Variants in TCERG1L observed in about 807,000 individuals in gnomAD.
TCERG1L encodes the protein transcription elongation regulator 1 like.
TCERG1L carries 37 observed loss-of-function variants against 56.3 expected under a neutral mutation model. That is an observed-to-expected ratio of 0.66 (90% CI 0.51 to 0.87). TCERG1L has a LOEUF of 0.87. Ranked by LOEUF, TCERG1L falls within the 40% of genes least tolerant of loss-of-function variation. The probability of loss-of-function intolerance (pLI) is 0.00; values close to 1 mark genes in which losing one functional copy is unlikely to be tolerated. For missense variants in TCERG1L, 799 were observed against 774.2 expected (o/e 1.03, Z -0.38); for synonymous variants, 324 against 326.3 (o/e 0.99, Z 0.08).
chr10:131,251,309 C>G (rs867068096), intron 4 of TCERG1L, among the ~76,000 whole-genome samples: 6 of 151,928 alleles, frequency 3.9e-5, no homozygotes, highest in East Asian at 2.0e-4. Flanking sequence ...CCCCCTCCCC[C>G]CGGCCCCTCC....
chr10:131,225,942 T>G (rs1589754367), intron 4 of TCERG1L, among the ~76,000 whole-genome samples: 1 of 152,302 alleles, frequency 6.6e-6, no homozygotes, highest in Middle Eastern at 3.4e-3. Context: ...CCTTCAAGTA[T>G]TTACGTATTT....
chr10:131,245,788 G>A (rs564479004), intron 4 of TCERG1L, among the ~76,000 whole-genome samples: 8 of 152,326 alleles, frequency 5.3e-5, no homozygotes, highest in African/African-American at 1.7e-4. Flanking sequence ...GGTGGGAAGT[G>A]CGCACGGGGC....
chr10:131,296,456 G>A (rs1436477413), intron 3 of TCERG1L, among the ~76,000 whole-genome samples: 1 of 152,096 alleles, frequency 6.6e-6, no homozygotes, highest in Non-Finnish European at 1.5e-5. Context: ...CTTTTGGATG[G>A]TCTACTACGA....
intron 4 of TCERG1L, among the ~76,000 whole-genome samples, chr10:131,256,623 C>A (rs557733854): frequency 6.6e-6 from 1 of 152,224 alleles, no homozygotes; most frequent in East Asian, 1.9e-4. Context: ...CAGTGACTCA[C>A]GCCTCTAATC....
chr10:131,146,751 G>C, intron 6 of TCERG1L, 91 bp from the exon 7 acceptor site: 3 of 1,391,818 alleles, frequency 2.2e-6, no homozygotes, highest in Non-Finnish European at 9.6e-7. Context: ...AAGCCCCTCA[G>C]GACCGAAATC....
intron 4 of TCERG1L, among the ~76,000 whole-genome samples, chr10:131,240,598 G>A (rs1002924524): frequency 1.1e-4 from 17 of 152,220 alleles, no homozygotes; most frequent in African/African-American, 3.9e-4. Context: ...AGGTGCTGGA[G>A]ACGGGACAGC....
intron 3 of TCERG1L, among the ~76,000 whole-genome samples, chr10:131,268,784 C>T (rs1254585723): frequency 2.6e-5 from 4 of 152,246 alleles, no homozygotes; most frequent in Admixed American, 2.0e-4. Flanking sequence ...TCTTCTGCTG[C>T]TTCCTCACCT....
intron 11 of TCERG1L, chr10:131,095,232 A>AACCCCACCGGG (rs1564790512): frequency 1.4e-5 from 2 of 145,612 alleles, no homozygotes; most frequent in African/African-American, 5.5e-5. Context: ...ACCCCACCGG[A>AACCCCACCGGG]CGGCCAACCC....
chr10:131,221,125 G>A (rs915349247), intron 4 of TCERG1L, among the ~76,000 whole-genome samples: 1 of 152,218 alleles, frequency 6.6e-6, no homozygotes, highest in African/African-American at 2.4e-5. Flanking sequence ...CTGCCCCCAA[G>A]GATCTGCCTC....
At chr10:131,096,580 T>A (rs1222306727) in intron 11 of TCERG1L, among the ~76,000 whole-genome samples, 8 of 152,172 alleles carry the variant, frequency 5.3e-5, no homozygotes, top group African/African-American at 1.4e-4. Context: ...TATGCCTTCA[T>A]AGAAAGCATC....
At position 131,093,177 on chromosome 10, in the gene TCERG1L, C is replaced by A. The variant is rs150854664; in HGVS notation, c.1746G>T (p.Leu582=). Residue 582 remains leucine, a synonymous_variant, in exon 12 of 12, where the codon CTG becomes CTT. Transcript: ENST00000368642. ...KKRDKENRLR[L]RKMR ...TTTCACAAACTCATCTCATTTTCCG[C>A]AGCCTTAGTCTGTTTTCCTTGTCCC... 48 of 1,612,656 alleles carry A rather than the reference C, an allele frequency of 3.0e-5. 1 individual carries two copies. Among genetic ancestry groups the A allele is most frequent in the South Asian group, 1.1e-4 (10 of 90,786 alleles).
chr10:131,191,569 G>T (rs1845301940), intron 4 of TCERG1L, among the ~76,000 whole-genome samples: 1 of 143,156 alleles, frequency 7.0e-6, no homozygotes, highest in Admixed American at 7.0e-5. Flanking sequence ...AGACAACTCA[G>T]AAATAAAGCC....
intron 3 of TCERG1L, among the ~76,000 whole-genome samples, chr10:131,306,618 C>T (rs1405460630): frequency 2.0e-5 from 3 of 152,022 alleles, no homozygotes; most frequent in East Asian, 1.9e-4. Context: ...AAACATCTCA[C>T]GTACCCCACA....
At chr10:131,139,202 C>T (rs1179534110) in intron 7 of TCERG1L, among the ~76,000 whole-genome samples, 1 of 152,216 alleles carries the variant, frequency 6.6e-6, no homozygotes, top group Non-Finnish European at 1.5e-5. Flanking sequence ...TGCCCAAAAT[C>T]GAAAATGCAC....
chr10:131,206,258 C>T (rs777557483), intron 4 of TCERG1L, among the ~76,000 whole-genome samples: 4 of 152,210 alleles, frequency 2.6e-5, no homozygotes, highest in Non-Finnish European at 5.9e-5. Context: ...GCTGGTCCTG[C>T]GGACCGGCTG....
intron 6 of TCERG1L, among the ~76,000 whole-genome samples, chr10:131,148,356 A>T (rs1424197740): frequency 4.0e-5 from 2 of 49,600 alleles, no homozygotes; most frequent in Non-Finnish European, 1.5e-4. Context: ...ACACACAGAG[A>T]CACACATGCA....
At chr10:131,271,123 C>A (rs1401539135) in intron 3 of TCERG1L, among the ~76,000 whole-genome samples, 2 of 152,228 alleles carry the variant, frequency 1.3e-5, no homozygotes, top group Non-Finnish European at 2.9e-5. Context: ...AGAGGCAGAC[C>A]AGCTGTTGAG....
intron 4 of TCERG1L, among the ~76,000 whole-genome samples, chr10:131,235,121 G>C (rs550098352): frequency 6.6e-6 from 1 of 152,208 alleles, no homozygotes; most frequent in Non-Finnish European, 1.5e-5. Flanking sequence ...GCAGGTGCAG[G>C]AGGGTCACTC....
intron 4 of TCERG1L, among the ~76,000 whole-genome samples, chr10:131,216,367 C>T (rs529284539): frequency 4.7e-4 from 71 of 152,270 alleles, no homozygotes; most frequent in East Asian, 4.1e-3. Context: ...CATCTACTGT[C>T]GCAGATCCTA....
Sources: gnomAD v4.1 joint callset for allele counts (sites outside exome capture counted in the v4.1 genomes callset) on GRCh38, gnomAD v4.1.1 for gene constraint, MANE v1.5 for transcripts, NCBI Gene and HGNC (gene_info 2026-07-23, HGNC 2026-07-21) for gene names.